EYS: variants seen among roughly 807,000 people sequenced by gnomAD.
EYS encodes protein eyes shut homolog.
In EYS, 250 loss-of-function variants were observed where a neutral mutation model predicts 282.1. That is an observed-to-expected ratio of 0.89 (90% CI 0.80 to 0.98). EYS has a LOEUF of 0.98. Ranked by LOEUF, EYS falls within the 50% of genes least tolerant of loss-of-function variation. EYS has a pLI of 0.00. For missense variants in EYS, 4,016 were observed against 3,709.0 expected, an observed-to-expected ratio of 1.08 and a Z score of -2.15; for synonymous variants, 1,355 against 1,282.9, an observed-to-expected ratio of 1.06 and a Z score of -1.20.
At chr6:64,214,842 T>C (rs897067979) in intron 31 of EYS, among the ~76,000 whole-genome samples, 1 of 152,068 alleles carries the variant, frequency 6.6e-6, no homozygotes, top group Non-Finnish European at 1.5e-5. Context: ...TAAGTCCTTG[T>C]AATGTGCCAT....
intron 31 of EYS, among the ~76,000 whole-genome samples, chr6:64,166,584 G>T (rs768001505): frequency 3.3e-5 from 5 of 152,114 alleles, no homozygotes; most frequent in Non-Finnish European, 5.9e-5. Context: ...TTGTCATGCT[G>T]AAGGGATTAA....
chr6:64,892,110 T>C (rs1160410289), intron 18 of EYS, among the ~76,000 whole-genome samples: 1 of 151,860 alleles, frequency 6.6e-6, no homozygotes, highest in Non-Finnish European at 1.5e-5. Context: ...TTGCATAAAA[T>C]GATATCTCCA....
Position 64,872,692 on chromosome 6 carries a change from C to T in EYS, c.2992+14005G>A, listed in dbSNP as rs565451040. Reference sequence around the variant, plus strand: ...CCTCAGTTGAAATCTAGAGTTCCAGCATCATCAAAATTATGATAGTGAGAG... The same window carrying T: ...CCTCAGTTGAAATCTAGAGTTCCAGTATCATCAAAATTATGATAGTGAGAG... On this transcript the variant is annotated intron_variant, in intron 19 of 42. Coordinates refer to ENST00000503581, the MANE Select transcript of EYS (RefSeq NM_001142800.2). 2.0e-5 allele frequency among the ~76,000 whole-genome samples: 3 copies of T among 152,132 alleles called. No individual in the cohort carries two copies. The East Asian group carries it at 5.8e-4, about 29-fold the overall frequency.
Position 64,590,542 on chromosome 6 carries a change from T to C in EYS, c.5325A>G (p.Pro1775=), listed in dbSNP as rs900240059. 3.9e-6 allele frequency: 6 copies of C among 1,551,250 alleles called. No homozygotes were observed. In the African/African-American group the frequency reaches 6.8e-5, roughly 18 times the overall value. Residue 1775 remains proline (P), a synonymous_variant, in exon 26 of 43, where the codon CCA becomes CCG. Transcript: ENST00000503581. ...THANDFKNNL[P]PLTGSVPDFS... ...AATCAGGCACTGAGCCTGTCAATGG[T>C]GGCAGATTATTTTTGAAGTCATTTG...
intron 12 of EYS, among the ~76,000 whole-genome samples, chr6:65,087,148 A>G (rs1774405930): frequency 1.3e-5 from 2 of 152,092 alleles, no homozygotes; most frequent in Admixed American, 1.3e-4. Context: ...ACGCGGTAAC[A>G]TAATATCCAG....
At chr6:64,531,166 T>C (rs147959983) in intron 26 of EYS, among the ~76,000 whole-genome samples, 71 of 152,292 alleles carry the variant, frequency 4.7e-4, no homozygotes, top group African/African-American at 1.7e-3. Context: ...TACCACTTTC[T>C]TAATAAGTAA....
intron 35 of EYS, among the ~76,000 whole-genome samples, chr6:63,925,473 T>C (rs1764689401): frequency 6.6e-6 from 1 of 152,224 alleles, no homozygotes; most frequent in South Asian, 2.1e-4. Flanking sequence ...ACATTTTATT[T>C]GGTATTTAAT....
intron 8 of EYS, among the ~76,000 whole-genome samples, chr6:65,373,156 C>T (rs1423613664): frequency 6.6e-6 from 1 of 152,146 alleles, no homozygotes; most frequent in Non-Finnish European, 1.5e-5. Flanking sequence ...GTTAAATCCT[C>T]ATACTAACAG....
At chr6:63,729,340 A>T (rs1386584495) in intron 41 of EYS, among the ~76,000 whole-genome samples, 1 of 151,852 alleles carries the variant, frequency 6.6e-6, no homozygotes, top group East Asian at 1.9e-4. Flanking sequence ...TAATTTATCA[A>T]TTTTTTTCTT....
intron 5 of EYS, among the ~76,000 whole-genome samples, chr6:65,478,869 C>A (rs1369922227): frequency 6.6e-6 from 1 of 152,078 alleles, no homozygotes; most frequent in Non-Finnish European, 1.5e-5. Flanking sequence ...GATGAACTCT[C>A]TCACTGAAAA....
chr6:65,592,347 C>T (rs1254789313), intron 2 of EYS, among the ~76,000 whole-genome samples: 1 of 151,838 alleles, frequency 6.6e-6, no homozygotes, highest in Non-Finnish European at 1.5e-5. Flanking sequence ...TAGATATTTA[C>T]AAATTATGCA....
intron 19 of EYS, among the ~76,000 whole-genome samples, chr6:64,833,142 A>G (rs1275018490): frequency 6.6e-6 from 1 of 151,924 alleles, no homozygotes; most frequent in Non-Finnish European, 1.5e-5. Flanking sequence ...TTGTACTTCA[A>G]TACCACAATA....
chr6:64,021,591 G>A (rs1282493073), intron 33 of EYS, among the ~76,000 whole-genome samples: 3 of 152,152 alleles, frequency 2.0e-5, no homozygotes, highest in African/African-American at 4.8e-5. Flanking sequence ...TAAGTAGGAG[G>A]AACAATGGGA....
intron 22 of EYS, among the ~76,000 whole-genome samples, chr6:64,799,235 T>C (rs1159442067): frequency 6.6e-6 from 1 of 151,920 alleles, no homozygotes; most frequent in African/African-American, 2.4e-5. Flanking sequence ...TTGTAATCCA[T>C]CAAATCTCAT....
chr6:64,266,507 C>G (rs1056526884), intron 30 of EYS, among the ~76,000 whole-genome samples: 1 of 152,124 alleles, frequency 6.6e-6, no homozygotes, highest in Non-Finnish European at 1.5e-5. Context: ...TCCATTATTA[C>G]AAACCACTTT....
In EYS at chr6:65,171,292, T is replaced by C. The variant is rs527309799; in HGVS notation, c.2024-113565A>G. Among the ~76,000 whole-genome samples the C allele has an allele frequency of 1.5e-4, 22 of 151,680 alleles. 1 individual carries two copies. In the South Asian group the frequency reaches 4.6e-3, roughly 31 times the overall value. On this transcript the variant is annotated intron_variant, in intron 12 of 42. Coordinates refer to ENST00000503581, the MANE Select transcript of EYS (RefSeq NM_001142800.2). ...TATATCCTTTCTTTTTCCATGAAAATACATAAACTATAGTCATCTACTATG... is the reference window on the plus strand; with the variant it reads ...TATATCCTTTCTTTTTCCATGAAAACACATAAACTATAGTCATCTACTATG...
intron 41 of EYS, among the ~76,000 whole-genome samples, chr6:63,752,207 T>C (rs982894063): frequency 6.6e-6 from 1 of 151,380 alleles, no homozygotes; most frequent in Non-Finnish European, 1.5e-5. Flanking sequence ...AGTTTTAATT[T>C]TTTGACTATT....
chr6:65,560,298 T>C (rs989508513), intron 2 of EYS, among the ~76,000 whole-genome samples: 1 of 140,762 alleles, frequency 7.1e-6, no homozygotes, highest in Admixed American at 7.4e-5. Context: ...ATATAACATA[T>C]AATAATATAT....
chr6:65,275,749 A>G (rs1246776705), intron 12 of EYS, among the ~76,000 whole-genome samples: 1 of 152,160 alleles, frequency 6.6e-6, no homozygotes, highest in Non-Finnish European at 1.5e-5. Flanking sequence ...CCTGGCTCCA[A>G]ATATGGCACC....
Sources: gnomAD v4.1 joint callset for allele counts (sites outside exome capture counted in the v4.1 genomes callset) on GRCh38, gnomAD v4.1.1 for gene constraint, MANE v1.5 for transcripts, NCBI Gene and HGNC (gene_info 2026-07-23, HGNC 2026-07-21) for gene names.